The following TMEM132C variants were observed in gnomAD, a reference collection of about 807,000 sequenced individuals.
TMEM132C encodes protein phosphatase 1, regulatory subunit 152.
TMEM132C carries 29 observed loss-of-function variants against 61.4 expected under a neutral mutation model. That is an observed-to-expected ratio of 0.47 (90% confidence interval 0.35 to 0.64). The LOEUF is 0.64. Among genes scored for constraint, TMEM132C ranks in the 30% least tolerant of loss-of-function variants. TMEM132C has a pLI of 0.00. For missense variants in TMEM132C, 1,408 were observed against 1,476.9 expected (o/e 0.95, Z 0.76); for synonymous variants, 656 against 633.1 (o/e 1.04, Z -0.54).
intron 1 of TMEM132C, among the ~76,000 whole-genome samples, chr12:128,352,760 A>C (rs1021932472): frequency 3.3e-5 from 5 of 152,198 alleles, no homozygotes; most frequent in African/African-American, 1.2e-4. Context: ...CTCTGTAGCT[A>C]CTTTGCTTTG....
chr12:128,405,675 A>T (rs927489981), intron 1 of TMEM132C, among the ~76,000 whole-genome samples: 2 of 152,242 alleles, frequency 1.3e-5, no homozygotes, highest in Non-Finnish European at 2.9e-5. Context: ...TTATTTAAAC[A>T]GAACTATTCA....
At chr12:128,615,356 A>G (rs1467530628) in intron 3 of TMEM132C, among the ~76,000 whole-genome samples, 2 of 152,176 alleles carry the variant, frequency 1.3e-5, no homozygotes, top group Non-Finnish European at 2.9e-5. Flanking sequence ...GCTTATTTCT[A>G]TTATTATTAC....
intron 1 of TMEM132C, among the ~76,000 whole-genome samples, chr12:128,381,132 C>T (rs987432595): frequency 4.6e-5 from 7 of 152,172 alleles, no homozygotes; most frequent in African/African-American, 1.4e-4. Flanking sequence ...TATGTAGTAT[C>T]GTGGCTGAAG....
chr12:128,372,283 G>A (rs1000388329), intron 1 of TMEM132C, among the ~76,000 whole-genome samples: 2 of 152,188 alleles, frequency 1.3e-5, no homozygotes, highest in African/African-American at 4.8e-5. Flanking sequence ...TTAAAATTAT[G>A]TGCGTGTGTC....
At position 128,378,386 on chromosome 12, in the gene TMEM132C, G is replaced by A. The variant is rs531599578; in HGVS notation, c.86-36346G>A. On this transcript the variant is annotated intron_variant, in intron 1 of 8. Transcript: ENST00000435159. ...CCGCCTCGGCCTCCCAAAGTGCTGG[G>A]ATTACAGGCGTGAGCCACCACGCCT... Among the ~76,000 whole-genome samples the A allele has an allele frequency of 3.3e-5, 5 of 152,044 alleles. No individual in the cohort carries two copies. In the South Asian group the frequency reaches 1.0e-3, roughly 32 times the overall value.
chr12:128,529,510 G>A (rs937762748), intron 2 of TMEM132C, among the ~76,000 whole-genome samples: 25 of 152,258 alleles, frequency 1.6e-4, no homozygotes, highest in East Asian at 1.9e-4. Context: ...AGGGCCAGAC[G>A]TGGTGGCTTA....
chr12:128,343,016 G>T (rs919079124), intron 1 of TMEM132C, among the ~76,000 whole-genome samples: 12 of 152,336 alleles, frequency 7.9e-5, no homozygotes, highest in Admixed American at 4.6e-4. Flanking sequence ...CCAGGGAGAT[G>T]TAGCAAACTG....
intron 3 of TMEM132C, among the ~76,000 whole-genome samples, chr12:128,590,062 T>A (rs762641609): frequency 5.3e-5 from 8 of 152,188 alleles, no homozygotes; most frequent in Non-Finnish European, 1.2e-4. Flanking sequence ...AAATTACTTC[T>A]CTGGGATATG....
chr12:128,410,390 T>C (rs1868494107), intron 1 of TMEM132C, among the ~76,000 whole-genome samples: 1 of 152,048 alleles, frequency 6.6e-6, no homozygotes, highest in African/African-American at 2.4e-5. Flanking sequence ...CACATATATA[T>C]GTATATGTAT....
intron 1 of TMEM132C, among the ~76,000 whole-genome samples, chr12:128,346,111 C>T (rs1341418284): frequency 6.6e-6 from 1 of 152,060 alleles, no homozygotes; most frequent in Non-Finnish European, 1.5e-5. Flanking sequence ...GGTCCTTACA[C>T]CCCTGCATAT....
At chr12:128,530,501 TGGCAC>T (rs1873252462) in intron 2 of TMEM132C, among the ~76,000 whole-genome samples, 1 of 152,014 alleles carries the variant, frequency 6.6e-6, no homozygotes, top group African/African-American at 2.4e-5. Flanking sequence ...TGGAGTGCAG[TGGCAC>T]AATCTCGGCT....
intron 3 of TMEM132C, among the ~76,000 whole-genome samples, chr12:128,609,557 C>G (rs1030054085): frequency 2.0e-4 from 30 of 152,122 alleles, no homozygotes; most frequent in African/African-American, 7.0e-4. Flanking sequence ...CGTGCACAGC[C>G]TGTTTGGCTT....
At chr12:128,671,503 T>A (rs975955667) in intron 5 of TMEM132C, among the ~76,000 whole-genome samples, 2 of 152,194 alleles carry the variant, frequency 1.3e-5, no homozygotes, top group African/African-American at 4.8e-5. Context: ...GTGATTTTTG[T>A]TTCCCTCAAA....
intron 3 of TMEM132C, among the ~76,000 whole-genome samples, chr12:128,594,418 T>C (rs2135568771): frequency 1.3e-5 from 2 of 151,618 alleles, no homozygotes; most frequent in South Asian, 4.2e-4. Flanking sequence ...GGTCTTTGTT[T>C]TGTGGCTGCT....
chr12:128,419,865 A>G (rs1868926486), intron 2 of TMEM132C, among the ~76,000 whole-genome samples: 1 of 152,146 alleles, frequency 6.6e-6, no homozygotes, highest in Non-Finnish European at 1.5e-5. Context: ...TCCTGCCTGC[A>G]TGAAGCTGAT....
At chr12:128,377,633 C>CAT (rs1409411932) in intron 1 of TMEM132C, among the ~76,000 whole-genome samples, 1 of 152,188 alleles carries the variant, frequency 6.6e-6, no homozygotes, top group Non-Finnish European at 1.5e-5. Context: ...GAGATGAATT[C>CAT]ATATATGTGT....
At chr12:128,275,749 G>C (rs1316699425) in intron 1 of TMEM132C, among the ~76,000 whole-genome samples, 2 of 152,140 alleles carry the variant, frequency 1.3e-5, no homozygotes, top group Non-Finnish European at 2.9e-5. Flanking sequence ...AAGTGGACTA[G>C]AGATACTTAG....
At chr12:128,484,533 T>C (rs1871422382) in intron 2 of TMEM132C, among the ~76,000 whole-genome samples, 1 of 152,162 alleles carries the variant, frequency 6.6e-6, no homozygotes, top group African/African-American at 2.4e-5. Context: ...TATAAACATC[T>C]TACTTTTCAT....
At chr12:128,413,298 C>CTAAAAA (rs1868630440) in intron 1 of TMEM132C, among the ~76,000 whole-genome samples, 1 of 60,572 alleles carries the variant, frequency 1.7e-5, no homozygotes. Context: ...GACTCTGTCT[C>CTAAAAA]AAAAAAAAAA....
Sources: allele counts gnomAD v4.1 joint callset (sites outside exome capture counted in the v4.1 genomes callset), GRCh38; gene constraint gnomAD v4.1.1; transcripts MANE v1.5; gene names NCBI Gene and HGNC (gene_info 2026-07-23, HGNC 2026-07-21).